Variants in ICA1L observed in about 807,000 individuals in gnomAD.
The protein encoded by ICA1L is islet cell autoantigen 1 like, also known as islet cell autoantigen 1-like protein.
Under a neutral mutation model 61.3 loss-of-function variants are expected in ICA1L, and 50 were observed. The observed-to-expected ratio is 0.82, with a 90% CI of 0.65 to 1.03. The LOEUF (loss-of-function observed/expected upper bound fraction) is 1.03. ICA1L is among the 50% of genes least tolerant of loss of function. The pLI is 0.00. For missense variants in ICA1L, 508 were observed against 556.7 expected, an observed-to-expected ratio of 0.91 and a Z score of 0.88; for synonymous variants, 161 against 191.3, an observed-to-expected ratio of 0.84 and a Z score of 1.31.
At chr2:202,841,408 G>T in intron 1 of ICA1L, 1 of 1,159,248 alleles carries the variant, frequency 8.6e-7, no homozygotes, top group Non-Finnish European at 1.3e-6. Context: ...TGCTGCAGGA[G>T]GGCTCCACTT....
rs138094303 is a variant in ICA1L, at chr2:202,819,691, G to A, written c.558+10C>T. ...TACACCAAGAAAAGGAAAGGGATAC[G>A]TTTTCATACTTTTCTAAACTTTTCC... is the stretch of plus-strand genomic sequence containing the variant. On this transcript the variant is annotated intron_variant, in intron 5 of 12. Coordinates refer to ENST00000358299, the MANE Select transcript of ICA1L (RefSeq NM_001288622.3). 1.7e-4 allele frequency: 272 copies of A among 1,597,848 alleles called. 3 individuals carry two copies. The Admixed American group carries it at 2.7e-3, about 16-fold the overall frequency.
intron 1 of ICA1L, among the ~76,000 whole-genome samples, chr2:202,829,865 C>T (rs1292575974): frequency 6.6e-6 from 1 of 152,134 alleles, no homozygotes; most frequent in Non-Finnish European, 1.5e-5. Flanking sequence ...TAAACTTGTA[C>T]ATACATCTTT....
rs1261769662 is a variant in ICA1L, at chr2:202,775,396, T to G, written c.*4137A>C. The G allele has an allele frequency of 6.6e-6, 1 of 152,250 alleles. No individual in the cohort carries two copies. The highest frequency in any genetic ancestry group is 1.5e-5 in the Non-Finnish European group (1 of 68,044). 9.4% of individuals were successfully genotyped at this position (152,250 alleles called of 1,614,324 possible). A position where few individuals can be genotyped will look rare whatever the true frequency, so the allele number is the denominator to read the frequency against. ...TGGCTTATATTTAATTGTTTGTGTC[T>G]AGGCTCAGATTTTTGATATTTGTTA... On this transcript the variant is annotated 3_prime_UTR_variant, in exon 13 of 13. Coordinates refer to ENST00000358299, the MANE Select transcript of ICA1L (RefSeq NM_001288622.3).
At chr2:202,786,919 TTA>T in intron 11 of ICA1L, 1 of 345,308 alleles carries the variant, frequency 2.9e-6, no homozygotes, top group African/African-American at 2.2e-5. Flanking sequence ...GAAAAACCAT[TTA>T]TGCTATGATT....
chr2:202,852,263 C>A (rs1292232407), intron 1 of ICA1L, among the ~76,000 whole-genome samples: 1 of 152,042 alleles, frequency 6.6e-6, no homozygotes, highest in Non-Finnish European at 1.5e-5. Context: ...GGTATATACC[C>A]TGTAATGGGA....
intron 12 of ICA1L, among the ~76,000 whole-genome samples, chr2:202,780,747 C>T (rs958673372): frequency 5.9e-5 from 9 of 152,160 alleles, no homozygotes; most frequent in Non-Finnish European, 1.0e-4. Context: ...AAAGGCTTCA[C>T]TCTGTGTGTC....
In ICA1L at chr2:202,773,784, AT is replaced by A; in HGVS notation, c.*5748del. ...AAGGTGGAAGAATACATACACCGGT[AT>A]GGTAATAGGCAAGAGCAGGCTGTAA... On this transcript the variant is annotated 3_prime_UTR_variant, in exon 13 of 13. Transcript: ENST00000358299. The A allele has an allele frequency of 7.2e-7, 1 of 1,385,802 alleles. No individual in the cohort carries two copies. Among genetic ancestry groups the A allele is most frequent in the Non-Finnish European group, 1.0e-6 (1 of 974,988 alleles). 85.8% of individuals were successfully genotyped at this position (1,385,802 alleles called of 1,614,324 possible). A position where few individuals can be genotyped will look rare whatever the true frequency, so the allele number is the denominator to read the frequency against.
intron 8 of ICA1L, among the ~76,000 whole-genome samples, chr2:202,813,975 A>G (rs74779784): frequency 0.02 from 3,031 of 152,224 alleles, 110 homozygotes; most frequent in African/African-American, 0.07. Context: ...TCTTAATACA[A>G]GGCTCTATCC....
chr2:202,805,552 A>C (rs1693200321), intron 9 of ICA1L, among the ~76,000 whole-genome samples: 1 of 152,138 alleles, frequency 6.6e-6, no homozygotes, highest in Non-Finnish European at 1.5e-5. Context: ...CCTTGGCAAC[A>C]AAGCAAGACA....
intron 9 of ICA1L, among the ~76,000 whole-genome samples, chr2:202,800,563 A>C (rs887852896): frequency 2.6e-5 from 4 of 152,190 alleles, no homozygotes; most frequent in African/African-American, 9.7e-5. Context: ...TGGTTTACTC[A>C]GTATAGACAC....
At chr2:202,815,585 TTTC>T (rs1275435877) in intron 7 of ICA1L, among the ~76,000 whole-genome samples, 2 of 152,142 alleles carry the variant, frequency 1.3e-5, no homozygotes, top group African/African-American at 4.8e-5. Context: ...TGCATAGCCT[TTTC>T]TTATCTCCTT....
At chr2:202,821,200 G>T (rs958552468) in intron 4 of ICA1L, among the ~76,000 whole-genome samples, 158 bp downstream of exon 4, 1 of 152,154 alleles carries the variant, frequency 6.6e-6, no homozygotes, top group African/African-American at 2.4e-5. Context: ...TACAAAATTA[G>T]TAATTAAGAA....
intron 11 of ICA1L, chr2:202,786,541 G>A (rs575091272): frequency 8.4e-6 from 2 of 236,844 alleles, no homozygotes; most frequent in African/African-American, 2.5e-5. Context: ...GGGCGACAGA[G>A]CGAGACTCCG....
rs752392718 is a variant in ICA1L, at chr2:202,819,894, G to A, written c.365C>T (p.Ala122Val). The A allele has an allele frequency of 7.4e-6, 12 of 1,613,104 alleles. No homozygotes were observed. In the East Asian group the frequency reaches 2.7e-4, roughly 36 times the overall value. ...CAGACGAGACAGAGGAGTACACAGG[G>A]CCAATCTAATGGCAGAGAGGTAAAA... is the stretch of plus-strand genomic sequence containing the variant. ...ALCSSAKQRL[A>V]LCTPLSRLKQ... The change falls in exon 5 of 13, where the codon GCC becomes GTC. Residue 122 changes from alanine (A) to valine (V), a missense_variant. Transcript: ENST00000358299.
chr2:202,841,807 G>C (rs4675300), intron 1 of ICA1L: 107,939 of 336,224 alleles, frequency 0.32, 19,156 homozygotes, highest in East Asian at 0.61. Context: ...GGAGGCAGGT[G>C]GGCTGAACCA....
chr2:202,828,730 C>A lies in ICA1L; in HGVS notation c.162+118G>T, dbSNP rs937588368. 14 of 809,130 alleles carry A rather than the reference C, an allele frequency of 1.7e-5. No homozygotes were observed. The Admixed American group carries it at 3.0e-4, about 17-fold the overall frequency. The allele number at this position is 809,130 out of a possible 1,614,324, so 50.1% of individuals were successfully genotyped here. ...TGACAGATGGATACAACTAAACATT[C>A]TATTATCAAATTTGCATTTATCCTC... On this transcript the variant is annotated intron_variant, in intron 2 of 12. Transcript: ENST00000358299.
chr2:202,787,454 T>C (rs1331110871), intron 11 of ICA1L, among the ~76,000 whole-genome samples: 5 of 152,236 alleles, frequency 3.3e-5, no homozygotes, highest in Non-Finnish European at 7.3e-5. Flanking sequence ...AATAAATATT[T>C]TTAAAGATGT....
At position 202,828,785 on chromosome 2, in the gene ICA1L, A is replaced by G. The variant is rs1024661827; in HGVS notation, c.162+63T>C. The G allele has an allele frequency of 2.8e-5, 37 of 1,327,538 alleles. No homozygotes were observed. In the African/African-American group the frequency reaches 4.8e-4, roughly 17 times the overall value. 82.2% of individuals were successfully genotyped at this position (1,327,538 alleles called of 1,614,324 possible). On this transcript the variant is annotated intron_variant, in intron 2 of 12. Transcript: ENST00000358299. ...ACTCTCCAGTGTGAAAACCTGTTGC[A>G]GTTCCCCTTGGAGCCCCAAATAATG...
rs193071238 is a variant in ICA1L at position 202,776,945 on chromosome 2, T to C, written c.*2588A>G. 2.6e-4 allele frequency: 40 copies of C among 152,070 alleles called. 1 individual carries two copies. The East Asian group carries it at 7.7e-3, about 29-fold the overall frequency. The allele number at this position is 152,070 out of a possible 1,614,324, so 9.4% of individuals were successfully genotyped here. On this transcript the variant is annotated 3_prime_UTR_variant, in exon 13 of 13. Transcript: ENST00000358299. ...TCTGTATTCGATAACAGGGACTTCC[T>C]TGCACACATGTGAGGGAGATAAATA...
Sources: gnomAD v4.1 joint callset for allele counts (sites outside exome capture counted in the v4.1 genomes callset) on GRCh38, gnomAD v4.1.1 for gene constraint, MANE v1.5 for transcripts, NCBI Gene and HGNC (gene_info 2026-07-23, HGNC 2026-07-21) for gene names.